Variants in CWF19L1 observed in about 807,000 individuals in gnomAD.
CWF19L1 encodes the protein CWF19-like protein 1.
CWF19L1 carries 60 observed loss-of-function variants against 69.7 expected under a neutral mutation model. The ratio of observed to expected loss-of-function variants is 0.86; its 90% CI spans 0.70 to 1.07. The LOEUF is 1.07. Ranked by LOEUF, CWF19L1 falls within the 50% of genes least tolerant of loss-of-function variation. The pLI is 0.00. For missense variants in CWF19L1, 591 were observed against 638.9 expected, an observed-to-expected ratio of 0.92 and a Z score of 0.81; for synonymous variants, 209 against 222.2, an observed-to-expected ratio of 0.94 and a Z score of 0.53.
intron 1 of CWF19L1, among the ~76,000 whole-genome samples, chr10:100,263,869 T>C (rs1406993908): frequency 6.6e-6 from 1 of 152,262 alleles, no homozygotes; most frequent in Non-Finnish European, 1.5e-5. Context: ...TTGGCTCTGA[T>C]TTGTTCTCCA....
rs749733351 is a variant in CWF19L1 at position 100,238,080 on chromosome 10, C to T, written c.1196G>A (p.Arg399Gln). 3.1e-6 allele frequency: 5 copies of T among 1,614,068 alleles called. No homozygotes were observed. In the Admixed American group the frequency reaches 6.7e-5, roughly 22 times the overall value. Reference sequence around the variant, plus strand: ...CTCAAATACAACACACCATTTCCCTCGACTCTTAAAGAACCGTCTCAGAGT... The same window carrying T: ...CTCAAATACAACACACCATTTCCCTTGACTCTTAAAGAACCGTCTCAGAGT... ...KATLRRFFKS[R>Q]GKWCVVFERN... The change falls in exon 11 of 14, where the codon CGA (arginine) becomes CAA (glutamine). Residue 399 changes from arginine (R) to glutamine (Q), a missense_variant. Arg to Gln is a conservative substitution (Grantham distance 43, BLOSUM62 1). This residue lies in a region of CWF19L1 where 458 missense variants were observed against 489.3 expected (regional missense o/e 0.94). Coordinates refer to ENST00000354105, the MANE Select transcript of CWF19L1 (RefSeq NM_018294.6).
intron 12 of CWF19L1, among the ~76,000 whole-genome samples, chr10:100,236,027 A>C (rs1297579454): frequency 2.0e-5 from 3 of 151,664 alleles, no homozygotes; most frequent in Non-Finnish European, 2.9e-5. Flanking sequence ...AAAGCACTAA[A>C]CTTTGGAGTA....
In CWF19L1 at chr10:100,238,649, G is replaced by A. The variant is rs186415463; in HGVS notation, c.1045-418C>T. Among the ~76,000 whole-genome samples the A allele has an allele frequency of 3.1e-4, 47 of 152,150 alleles. No individual in the cohort carries two copies. The East Asian group carries it at 4.6e-3, about 15-fold the overall frequency. On this transcript the variant is annotated intron_variant, in intron 10 of 13. Transcript: ENST00000354105. Reference sequence around the variant, plus strand: ...TTCTGATTTCAAAATGACCACTTTCGGCTGGGATAGTGGCTCACGCTTGTA... The same window carrying A: ...TTCTGATTTCAAAATGACCACTTTCAGCTGGGATAGTGGCTCACGCTTGTA...
chr10:100,254,487 CTCTAT>C, intron 5 of CWF19L1: 1 of 152,250 alleles, frequency 6.6e-6, no homozygotes, highest in African/African-American at 2.4e-5. Flanking sequence ...TATTTATGAA[CTCTAT>C]TCTAAGAGAA....
intron 7 of CWF19L1, chr10:100,248,946 C>G: frequency 2.6e-6 from 2 of 771,332 alleles, no homozygotes; most frequent in Non-Finnish European, 4.6e-6. Context: ...CACTGGCCAC[C>G]GCAGGGAACA....
chr10:100,239,242 G>T (rs956888579), intron 10 of CWF19L1, among the ~76,000 whole-genome samples: 2 of 152,182 alleles, frequency 1.3e-5, no homozygotes, highest in African/African-American at 4.8e-5. Flanking sequence ...ACCAAAACAT[G>T]CAAGAATGGT....
At chr10:100,247,781 A>G (rs1328469095) in intron 7 of CWF19L1, among the ~76,000 whole-genome samples, 2 of 152,222 alleles carry the variant, frequency 1.3e-5, no homozygotes, top group Non-Finnish European at 2.9e-5. Context: ...CTATAGTTCC[A>G]GCTACTCAGG....
intron 9 of CWF19L1, among the ~76,000 whole-genome samples, chr10:100,244,313 A>G (rs1180080168): frequency 6.6e-6 from 1 of 152,186 alleles, no homozygotes; most frequent in Non-Finnish European, 1.5e-5. Flanking sequence ...TGCTTTTTCC[A>G]TAGTACAGGA....
intron 1 of CWF19L1, among the ~76,000 whole-genome samples, chr10:100,265,902 A>G (rs79233733): frequency 2.0e-4 from 31 of 152,362 alleles, no homozygotes; most frequent in African/African-American, 7.2e-4. Flanking sequence ...TATTCAGTAC[A>G]GTAACTTGAC....
chr10:100,249,800 G>C (rs769898819), intron 7 of CWF19L1, among the ~76,000 whole-genome samples: 63 of 152,134 alleles, frequency 4.1e-4, no homozygotes, highest in Non-Finnish European at 7.8e-4. Context: ...TGGCCAGGCT[G>C]GTCTCAAACT....
At chr10:100,242,738 T>C (rs889138084) in intron 10 of CWF19L1, among the ~76,000 whole-genome samples, 2 of 150,970 alleles carry the variant, frequency 1.3e-5, no homozygotes, top group African/African-American at 4.9e-5. Flanking sequence ...AAAAAGAATA[T>C]CAACATTTTT....
chr10:100,254,895 G>C (rs975729807), intron 5 of CWF19L1, among the ~76,000 whole-genome samples: 1 of 152,032 alleles, frequency 6.6e-6, no homozygotes, highest in African/African-American at 2.4e-5. Flanking sequence ...AGTAATCATG[G>C]GTTTGTCAAA....
rs192685965 is a variant in CWF19L1 at position 100,248,048 on chromosome 10, G to A, written c.709-1113C>T. On this transcript the variant is annotated intron_variant, in intron 7 of 13. Coordinates refer to ENST00000354105, the MANE Select transcript of CWF19L1 (RefSeq NM_018294.6). ...TTTTATAATGTGCACACCTTTTGAC[G>A]AAAGTATAAGTTGCTTATGGCTGAG... Among the ~76,000 whole-genome samples the A allele has an allele frequency of 4.5e-3, 683 of 152,270 alleles. 7 individuals carry two copies. Among genetic ancestry groups the A allele is most frequent in the Non-Finnish European group, 7.6e-3 (514 of 68,022 alleles).
intron 12 of CWF19L1, among the ~76,000 whole-genome samples, chr10:100,235,990 A>G (rs1846421885): frequency 6.6e-6 from 1 of 152,154 alleles, no homozygotes; most frequent in Non-Finnish European, 1.5e-5. Context: ...CTACCTTAGG[A>G]AATTCTAATT....
intron 7 of CWF19L1, chr10:100,248,309 A>G: frequency 7.3e-7 from 1 of 1,368,756 alleles, no homozygotes; most frequent in Non-Finnish European, 1.0e-6. Flanking sequence ...GCCTGGCCTT[A>G]GCTGTTGCAG....
At chr10:100,259,675 G>A (rs1420110289) in intron 4 of CWF19L1, among the ~76,000 whole-genome samples, 1 of 152,088 alleles carries the variant, frequency 6.6e-6, no homozygotes, top group East Asian at 1.9e-4. Flanking sequence ...AACGATATTG[G>A]GGCTAAGTGG....
At chr10:100,256,545 GA>G (rs1847220030) in intron 4 of CWF19L1, 69 bp from the exon 5 acceptor site, 4 of 1,203,636 alleles carry the variant, frequency 3.3e-6, no homozygotes, top group Non-Finnish European at 4.9e-6. Context: ...ATAGGGGGAT[GA>G]ATCTCCCATG....
intron 10 of CWF19L1, among the ~76,000 whole-genome samples, chr10:100,241,590 T>C (rs759433327): frequency 3.3e-5 from 5 of 152,242 alleles, no homozygotes; most frequent in African/African-American, 1.2e-4. Flanking sequence ...GTTGCTATAA[T>C]AGAATACCAC....
intron 2 of CWF19L1, among the ~76,000 whole-genome samples, chr10:100,261,608 A>G (rs1847404002): frequency 6.6e-6 from 1 of 152,164 alleles, no homozygotes; most frequent in Non-Finnish European, 1.5e-5. Context: ...ATTCATATAG[A>G]GCTTTTAAGC....
Sources: allele counts gnomAD v4.1 joint callset (sites outside exome capture counted in the v4.1 genomes callset), GRCh38; gene constraint gnomAD v4.1.1; regional missense constraint gnomAD v4.1.1; transcripts MANE v1.5; gene names NCBI Gene and HGNC (gene_info 2026-07-23, HGNC 2026-07-21).